NOTCH2: variants seen among roughly 807,000 people sequenced by gnomAD.
NOTCH2 encodes neurogenic locus notch homolog protein 2.
Under a neutral mutation model 235.8 loss-of-function variants are expected in NOTCH2, and 29 were observed. The observed-to-expected ratio is 0.12, with a 90% CI of 0.09 to 0.17. The LOEUF (loss-of-function observed/expected upper bound fraction) is 0.17. Ranked by LOEUF, NOTCH2 falls within the 10% of genes least tolerant of loss-of-function variation. The pLI, the probability that NOTCH2 is intolerant of heterozygous loss-of-function variation, is 1.00. For synonymous variants in NOTCH2, 1,086 were observed against 1,141.5 expected, an observed-to-expected ratio of 0.95 and a Z score of 0.98; for missense variants, 2,285 against 3,150.2, an observed-to-expected ratio of 0.73 and a Z score of 6.57.
chr1:119,942,966 G>A (rs587671253), intron 17 of NOTCH2, among the ~76,000 whole-genome samples: 35 of 149,614 alleles, frequency 2.3e-4, no homozygotes, highest in African/African-American at 8.1e-4. Context: ...TCCGCCTCCC[G>A]GGTTCAAGAG....
At chr1:120,039,069 T>C (rs1366059060) in intron 1 of NOTCH2, among the ~76,000 whole-genome samples, 2 of 151,924 alleles carry the variant, frequency 1.3e-5, no homozygotes, top group African/African-American at 2.4e-5. Context: ...GGTTCACTAA[T>C]ACACATCGGC....
chr1:120,000,000 G>GAAGGAAGGGAGA (rs1557840362), intron 3 of NOTCH2, among the ~76,000 whole-genome samples: 4 of 139,236 alleles, frequency 2.9e-5, no homozygotes, highest in Non-Finnish European at 4.5e-5. Flanking sequence ...AGGAAGGAAG[G>GAAGGAAGGGAGA]AAGGAAGGAA....
chr1:119,937,835 A>G (rs2101099794), intron 20 of NOTCH2, 22 bp downstream of exon 20: 1 of 1,614,010 alleles, frequency 6.2e-7, no homozygotes, highest in Non-Finnish European at 8.5e-7. Flanking sequence ...GAATGACCTG[A>G]GCCCAAGGGA....
intron 17 of NOTCH2, among the ~76,000 whole-genome samples, chr1:119,942,871 GT>G (rs1171685635): frequency 5.6e-5 from 8 of 141,636 alleles, no homozygotes; most frequent in African/African-American, 2.1e-4. Flanking sequence ...TTGTCCATAT[GT>G]CTTTTTTTTT....
chr1:120,039,256 T>A (rs1250952200), intron 1 of NOTCH2, among the ~76,000 whole-genome samples: 1 of 152,246 alleles, frequency 6.6e-6, no homozygotes, highest in African/African-American at 2.4e-5. Flanking sequence ...TGCTGCTTAG[T>A]GGTCAAAGAA....
At chr1:120,003,473 C>CA (rs1166499538) in intron 3 of NOTCH2, among the ~76,000 whole-genome samples, 1 of 151,508 alleles carries the variant, frequency 6.6e-6, no homozygotes, top group African/African-American at 2.4e-5. Flanking sequence ...AACCCTAATA[C>CA]AATGAAAAAT....
intron 25 of NOTCH2, 90 bp downstream of exon 25, chr1:119,925,215 T>C: frequency 6.5e-7 from 1 of 1,533,394 alleles, no homozygotes; most frequent in Non-Finnish European, 9.0e-7. Context: ...CAGCTTAGGC[T>C]GAAGCACTGG....
At chr1:120,014,506 G>A (rs1653349595) in intron 2 of NOTCH2, among the ~76,000 whole-genome samples, 1 of 144,838 alleles carries the variant, frequency 6.9e-6, no homozygotes, top group Non-Finnish European at 1.5e-5. Flanking sequence ...GCAAAGGAAG[G>A]AAGAAAACAG....
intron 2 of NOTCH2, among the ~76,000 whole-genome samples, chr1:120,017,260 C>A (rs1391349384): frequency 7.3e-6 from 1 of 137,182 alleles, no homozygotes; most frequent in African/African-American, 2.8e-5. Flanking sequence ...GACCTCTGTA[C>A]ACGCTGTTCA....
At chr1:119,961,092 G>A (rs1230043850) in intron 11 of NOTCH2, among the ~76,000 whole-genome samples, 3 of 152,102 alleles carry the variant, frequency 2.0e-5, no homozygotes, top group African/African-American at 7.2e-5. Flanking sequence ...ACATTAGTCT[G>A]TGTTACACCC....
At chr1:119,968,491 A>G (rs1651237650) in intron 6 of NOTCH2, among the ~76,000 whole-genome samples, 1 of 152,234 alleles carries the variant, frequency 6.6e-6, no homozygotes, top group Non-Finnish European at 1.5e-5. Context: ...TCTACAGGCC[A>G]GAAGATAAGA....
intron 23 of NOTCH2, among the ~76,000 whole-genome samples, chr1:119,927,031 T>A (rs1412350224): frequency 6.6e-6 from 1 of 152,258 alleles, no homozygotes; most frequent in African/African-American, 2.4e-5. Flanking sequence ...CCAATACATT[T>A]AAATGGTGAT....
At chr1:120,007,285 TGAC>T (rs1439455474) in intron 2 of NOTCH2, among the ~76,000 whole-genome samples, 1 of 150,342 alleles carries the variant, frequency 6.7e-6, no homozygotes, top group Non-Finnish European at 1.5e-5. Context: ...TTATCTTCAC[TGAC>T]TATCCATTTT....
At chr1:119,966,544 A>C in intron 8 of NOTCH2, 55 bp from the exon 9 acceptor site, 2 of 1,218,312 alleles carry the variant, frequency 1.6e-6, no homozygotes, top group Non-Finnish European at 1.2e-6. Flanking sequence ...TGTATTCCAG[A>C]CAAGGAAGCA....
chr1:119,981,187 C>CCATCCATTACTCAGACTCAAAA (rs368771101), intron 5 of NOTCH2, among the ~76,000 whole-genome samples: 9,058 of 152,080 alleles, frequency 0.06, 378 homozygotes, highest in Non-Finnish European at 0.092. Flanking sequence ...TCAACAGTTC[C>CCATCCATTACTCAGACTCAAAA]CATCCATTAC....
Position 119,999,152 on chromosome 1 carries a change from G to A in NOTCH2, c.416-1820C>T, listed in dbSNP as rs1164395721. ...GTGAATAGTGCCGCAATAAACATACGTGTGCATGTGTCTTTATAGCAGCAC... is the reference window on the plus strand; with the variant it reads ...GTGAATAGTGCCGCAATAAACATACATGTGCATGTGTCTTTATAGCAGCAC... On this transcript the variant is annotated intron_variant, in intron 3 of 33. Coordinates refer to ENST00000256646, the MANE Select transcript of NOTCH2 (RefSeq NM_024408.4). Among the ~76,000 whole-genome samples the A allele has an allele frequency of 3.2e-3, 464 of 146,140 alleles. 2 individuals are homozygous for A. Among genetic ancestry groups the A allele is most frequent in the African/African-American group, 0.012 (429 of 37,220 alleles).
At position 119,946,264 on chromosome 1, in the gene NOTCH2, C is replaced by G. The variant is rs138123514; in HGVS notation, c.2752+2150G>C. 8.1e-3 allele frequency among the ~76,000 whole-genome samples: 1,238 copies of G among 152,208 alleles called. 59 individuals are homozygous for G. The highest frequency in any genetic ancestry group is 0.071 in the Admixed American group (1,088 of 15,292). On this transcript the variant is annotated intron_variant, in intron 17 of 33. Transcript: ENST00000256646. The stretch of plus-strand genomic sequence containing the variant: ...AGAAAACACACCAGTTCTACACAAA[C>G]TCTCCCAGAAAGTAGAAAGAAAAAC...
intron 16 of NOTCH2, 125 bp from the exon 17 acceptor site, chr1:119,948,691 CT>C: frequency 8.7e-7 from 1 of 1,146,348 alleles, no homozygotes. Flanking sequence ...TGGCCCCCTG[CT>C]TTAGGAAGTT....
chr1:119,913,125 G>A lies in NOTCH2; in HGVS notation c.*2181C>T, dbSNP rs372282568. 22 of 233,244 alleles carry A rather than the reference G, an allele frequency of 9.4e-5. No homozygotes were observed. Among genetic ancestry groups the A allele is most frequent in the Admixed American group, 5.6e-4 (10 of 17,794 alleles). 14.4% of individuals were successfully genotyped at this position (233,244 alleles called of 1,614,324 possible). A position where few individuals can be genotyped will look rare whatever the true frequency, so the allele number is the denominator to read the frequency against. On this transcript the variant is annotated 3_prime_UTR_variant, in exon 34 of 34. Coordinates refer to ENST00000256646, the MANE Select transcript of NOTCH2 (RefSeq NM_024408.4). Reference sequence around the variant, plus strand: ...CTCCCCATCTGTGAATAATAAATGGGTCCAAGGGCAGAGAGTCACCATTTA... The same window carrying A: ...CTCCCCATCTGTGAATAATAAATGGATCCAAGGGCAGAGAGTCACCATTTA...
Sources: allele counts gnomAD v4.1 joint callset (sites outside exome capture counted in the v4.1 genomes callset), GRCh38; gene constraint gnomAD v4.1.1; transcripts MANE v1.5; gene names NCBI Gene and HGNC (gene_info 2026-07-23, HGNC 2026-07-21).